The following GALNT13 variants were observed in gnomAD, a reference collection of about 807,000 sequenced individuals.
GALNT13 encodes the protein polypeptide N-acetylgalactosaminyltransferase 13, also known as UDP-GalNAc:polypeptide N-acetylgalactosaminyltransferase 13.
In GALNT13, 28 loss-of-function variants were observed where a neutral mutation model predicts 64.2. The observed-to-expected ratio is 0.44, with a 90% CI of 0.32 to 0.60. The LOEUF (loss-of-function observed/expected upper bound fraction) is 0.60. Ranked by LOEUF, GALNT13 falls within the 20% of genes least tolerant of loss-of-function variation. The pLI is 0.05. For synonymous variants in GALNT13, 214 were observed against 224.6 expected, an observed-to-expected ratio of 0.95 and a Z score of 0.42; for missense variants, 577 against 669.8, an observed-to-expected ratio of 0.86 and a Z score of 1.53.
the GALNT13 span, among the ~76,000 whole-genome samples, chr2:153,242,964 C>T: frequency 3.9e-5 from 6 of 152,108 alleles, no homozygotes; most frequent in Non-Finnish European, 7.4e-5. Flanking sequence ...TTGGGATTAT[C>T]GAAAATTACT....
At chr2:153,631,839 T>C in the GALNT13 span, among the ~76,000 whole-genome samples, 1 of 152,194 alleles carries the variant, frequency 6.6e-6, no homozygotes, top group South Asian at 2.1e-4. Context: ...ACTTTGTCTT[T>C]TGTTGCCATT....
At chr2:153,880,839 G>A (rs1055136667) in intron 1 of GALNT13, among the ~76,000 whole-genome samples, 2 of 151,334 alleles carry the variant, frequency 1.3e-5, no homozygotes, top group Non-Finnish European at 2.9e-5. Context: ...CTTGTTCTTT[G>A]TTCTTCTTTC....
the GALNT13 span, among the ~76,000 whole-genome samples, chr2:153,078,816 G>T: frequency 3.3e-5 from 5 of 151,838 alleles, no homozygotes; most frequent in Non-Finnish European, 5.9e-5. Context: ...GTAATGAATG[G>T]GTGTTAAAAT....
At chr2:153,862,200 T>TTC in the GALNT13 span, among the ~76,000 whole-genome samples, 1 of 152,158 alleles carries the variant, frequency 6.6e-6, no homozygotes, top group Non-Finnish European at 1.5e-5. Flanking sequence ...AATTTAAAGA[T>TTC]TCACACACAC....
At chr2:153,463,616 A>T in the GALNT13 span, among the ~76,000 whole-genome samples, 1 of 151,924 alleles carries the variant, frequency 6.6e-6, no homozygotes, top group South Asian at 2.1e-4. Context: ...GCTCAAAAGC[A>T]TGCTAGGATC....
the GALNT13 span, among the ~76,000 whole-genome samples, chr2:153,864,564 C>T: frequency 0.046 from 7,036 of 152,108 alleles, 207 homozygotes; most frequent in East Asian, 0.12. Flanking sequence ...AGATTTTGGG[C>T]TGAGACACTG....
chr2:153,849,575 C>T, the GALNT13 span, among the ~76,000 whole-genome samples: 7 of 152,072 alleles, frequency 4.6e-5, no homozygotes, highest in Non-Finnish European at 8.8e-5. Flanking sequence ...CCTGTAATTG[C>T]CCCAGTTTGT....
At chr2:153,442,585 C>T in the GALNT13 span, among the ~76,000 whole-genome samples, 1 of 152,104 alleles carries the variant, frequency 6.6e-6, no homozygotes, top group Non-Finnish European at 1.5e-5. Context: ...CTGGGCTTTT[C>T]TTGGTTGATA....
rs75056628 is a variant in GALNT13, at chr2:154,244,005, C to G, written c.686+1100C>G. On this transcript the variant is annotated intron_variant, in intron 6 of 12. Transcript: ENST00000392825. The stretch of plus-strand genomic sequence containing the variant: ...GTACATGGCTAATAACATTTTTCCA[C>G]TCTGTGTATTGTACAGTACCCACAG... Among the ~76,000 whole-genome samples the G allele has an allele frequency of 3.3e-4, 50 of 152,258 alleles. No homozygotes were observed. The East Asian group carries it at 9.3e-3, about 28-fold the overall frequency.
At chr2:153,543,185 C>A in the GALNT13 span, among the ~76,000 whole-genome samples, 1 of 152,044 alleles carries the variant, frequency 6.6e-6, no homozygotes, top group Non-Finnish European at 1.5e-5. Context: ...TGGCAATACC[C>A]ATATATAAGA....
the GALNT13 span, among the ~76,000 whole-genome samples, chr2:153,791,226 C>T: frequency 1.3e-5 from 2 of 152,140 alleles, no homozygotes; most frequent in African/African-American, 4.8e-5. Context: ...TGAACAGCCT[C>T]TTCTCGAAAG....
At chr2:153,305,552 A>C in the GALNT13 span, among the ~76,000 whole-genome samples, 1 of 152,178 alleles carries the variant, frequency 6.6e-6, no homozygotes, top group Non-Finnish European at 1.5e-5. Context: ...GATGTTTTGG[A>C]AAGTGTACAG....
the GALNT13 span, among the ~76,000 whole-genome samples, chr2:153,515,478 A>G: frequency 6.6e-6 from 1 of 152,194 alleles, no homozygotes; most frequent in African/African-American, 2.4e-5. Flanking sequence ...AACAATCTTG[A>G]TCATTTATTC....
the GALNT13 span, among the ~76,000 whole-genome samples, chr2:153,822,553 GAACA>G: frequency 6.6e-6 from 1 of 152,054 alleles, no homozygotes; most frequent in Non-Finnish European, 1.5e-5. Flanking sequence ...TAAAAATCCT[GAACA>G]AACTAGGCAT....
upstream of GALNT13, among the ~76,000 whole-genome samples, chr2:153,869,730 A>C (rs148691781): frequency 1.8e-3 from 276 of 152,290 alleles, no homozygotes; most frequent in African/African-American, 5.9e-3. Context: ...TCTATAGTAT[A>C]TTATAAAAAC....
the GALNT13 span, among the ~76,000 whole-genome samples, chr2:153,625,241 G>T: frequency 6.6e-6 from 1 of 152,008 alleles, no homozygotes; most frequent in Admixed American, 6.6e-5. Context: ...GGAGAGTGGG[G>T]GGAATGGGAC....
At chr2:153,919,296 C>T (rs1175003487) in intron 2 of GALNT13, among the ~76,000 whole-genome samples, 1 of 151,944 alleles carries the variant, frequency 6.6e-6, no homozygotes, top group Non-Finnish European at 1.5e-5. Context: ...TTTACCTCTT[C>T]TGATATTCAG....
the GALNT13 span, among the ~76,000 whole-genome samples, chr2:153,374,375 A>T: frequency 6.6e-6 from 1 of 152,098 alleles, no homozygotes; most frequent in African/African-American, 2.4e-5. Flanking sequence ...TTAGCCATTG[A>T]TATATATTCT....
the GALNT13 span, among the ~76,000 whole-genome samples, chr2:153,804,238 G>A: frequency 2.0e-5 from 3 of 152,140 alleles, no homozygotes; most frequent in Non-Finnish European, 4.4e-5. Flanking sequence ...GTCTGGTCAT[G>A]GCCCACTGTA....
Sources: gnomAD v4.1 joint callset for allele counts (sites outside exome capture counted in the v4.1 genomes callset) on GRCh38, gnomAD v4.1.1 for gene constraint, MANE v1.5 for transcripts, NCBI Gene and HGNC (gene_info 2026-07-23, HGNC 2026-07-21) for gene names.